The following LMBRD1 variants were observed in gnomAD, a reference collection of about 807,000 sequenced individuals.
LMBRD1 encodes the protein lysosomal cobalamin transport escort protein LMBD1.
A neutral mutation model predicts 74.8 loss-of-function variants in LMBRD1; 64 were observed. The ratio of observed to expected loss-of-function variants is 0.86; its 90% confidence interval spans 0.70 to 1.05. The LOEUF is 1.05. LMBRD1 is among the 50% of genes least tolerant of loss of function. The pLI is 0.00. For synonymous variants in LMBRD1, 204 were observed against 216.3 expected, an observed-to-expected ratio of 0.94 and a Z score of 0.50; for missense variants, 652 against 645.9, an observed-to-expected ratio of 1.01 and a Z score of -0.10.
intron 3 of LMBRD1, among the ~76,000 whole-genome samples, chr6:69,773,125 A>G (rs1765609492): frequency 6.6e-6 from 1 of 152,166 alleles, no homozygotes; most frequent in Non-Finnish European, 1.5e-5. Flanking sequence ...GTTCATGATC[A>G]CTACCCAATA....
At chr6:69,782,578 G>A (rs1187697298) in intron 2 of LMBRD1, among the ~76,000 whole-genome samples, 1 of 152,096 alleles carries the variant, frequency 6.6e-6, no homozygotes, top group Non-Finnish European at 1.5e-5. Flanking sequence ...CTTCTTGGAA[G>A]GATGAGGAAT....
rs571184918 is a variant in LMBRD1 at position 69,796,858 on chromosome 6, C to T, written c.24G>A (p.Ser8=). The part of the protein sequence containing the change: MATSGAA[S]AELVIGWCIF... The stretch of plus-strand genomic sequence containing the variant: ...TGCACCAGCCGATCACCAGCTCCGC[C>T]GAGGCCGCGCCAGAAGTCGCCATCT... Residue 8 remains serine (S), a synonymous_variant, in exon 1 of 16, where the codon TCG becomes TCA. Transcript: ENST00000649934. 4 of 1,614,122 alleles carry T rather than the reference C, an allele frequency of 2.5e-6. No homozygotes were observed. The highest frequency in any genetic ancestry group is 2.2e-5 in the East Asian group (1 of 44,870).
At chr6:69,780,380 T>C (rs888182923) in intron 3 of LMBRD1, 114 bp downstream of exon 3, 1 of 778,724 alleles carries the variant, frequency 1.3e-6, no homozygotes, top group South Asian at 1.4e-5. Context: ...TGTGTCCATG[T>C]CATTTTTTTC....
In LMBRD1 at chr6:69,675,142, G is replaced by C. The variant is rs1481790155; in HGVS notation, c.*1016C>G. 6.6e-6 allele frequency among the ~76,000 whole-genome samples: 1 copy of C among 152,066 alleles called. No individual in the cohort carries two copies. Among genetic ancestry groups the C allele is most frequent in the Non-Finnish European group, 1.5e-5 (1 of 68,012 alleles). On this transcript the variant is annotated 3_prime_UTR_variant, in exon 16 of 16. Transcript: ENST00000649934. The stretch of plus-strand genomic sequence containing the variant: ...GAAAAATGGCACAAAAATTAAGGGA[G>C]AGAATAATTAACTTAGATATAGTTG...
chr6:69,682,145 T>G (rs1765676640), intron 14 of LMBRD1, among the ~76,000 whole-genome samples: 1 of 151,562 alleles, frequency 6.6e-6, no homozygotes. Context: ...GCAGAAAAAA[T>G]GAAGATATAT....
intron 1 of LMBRD1, 116 bp from the exon 2 acceptor site, chr6:69,790,588 G>A: frequency 9.6e-7 from 1 of 1,039,162 alleles, no homozygotes; most frequent in Non-Finnish European, 1.5e-6. Context: ...TATTTTAGTT[G>A]TGTAAGGAAA....
intron 3 of LMBRD1, among the ~76,000 whole-genome samples, chr6:69,755,764 G>T (rs1330572855): frequency 1.3e-5 from 2 of 152,102 alleles, no homozygotes; most frequent in East Asian, 3.9e-4. Context: ...ACTTGAGTAG[G>T]CTGACAGCCT....
intron 9 of LMBRD1, among the ~76,000 whole-genome samples, chr6:69,704,369 A>C (rs1766202275): frequency 6.6e-6 from 1 of 152,040 alleles, no homozygotes; most frequent in African/African-American, 2.4e-5. Flanking sequence ...TGTAGGGAAG[A>C]GGTTTCCCTT....
intron 14 of LMBRD1, among the ~76,000 whole-genome samples, chr6:69,684,247 T>G (rs1190381318): frequency 6.6e-6 from 1 of 151,904 alleles, no homozygotes; most frequent in Non-Finnish European, 1.5e-5. Context: ...AAATTAAAAT[T>G]CATAATATGG....
At chr6:69,747,954 A>G (rs1765028946) in intron 5 of LMBRD1, among the ~76,000 whole-genome samples, 2 of 152,232 alleles carry the variant, frequency 1.3e-5, no homozygotes, top group Admixed American at 1.3e-4. Flanking sequence ...TACGTATGAT[A>G]ATGAGAAGAA....
intron 2 of LMBRD1, among the ~76,000 whole-genome samples, chr6:69,787,237 T>C (rs1342776403): frequency 6.6e-6 from 1 of 152,198 alleles, no homozygotes; most frequent in Non-Finnish European, 1.5e-5. Context: ...GAAAATGTTT[T>C]CAAAAATTTT....
chr6:69,685,196 C>T (rs1428250688), intron 14 of LMBRD1, among the ~76,000 whole-genome samples: 1 of 151,956 alleles, frequency 6.6e-6, no homozygotes, highest in Non-Finnish European at 1.5e-5. Flanking sequence ...TAAGAAGATC[C>T]GGATTCTGAC....
At chr6:69,734,416 A>C (rs975884443) in intron 7 of LMBRD1, among the ~76,000 whole-genome samples, 3 of 148,694 alleles carry the variant, frequency 2.0e-5, no homozygotes, top group Admixed American at 6.7e-5. Context: ...TTTTTTTGAG[A>C]CGGAGTCTTG....
At chr6:69,695,164 A>G (rs1241062879) in intron 14 of LMBRD1, among the ~76,000 whole-genome samples, 1 of 143,778 alleles carries the variant, frequency 7.0e-6, no homozygotes, top group Non-Finnish European at 1.6e-5. Flanking sequence ...ATACTGGTCT[A>G]TCATTCATCC....
intron 2 of LMBRD1, among the ~76,000 whole-genome samples, chr6:69,788,026 A>C (rs893987159): frequency 3.3e-5 from 5 of 152,190 alleles, no homozygotes; most frequent in African/African-American, 1.2e-4. Flanking sequence ...AAGAAACAAA[A>C]CAAACCTATT....
At position 69,752,272 on chromosome 6, in the gene LMBRD1, G is replaced by C; in HGVS notation, c.392C>G (p.Thr131Ser). The change falls in exon 4 of 16, where the codon ACT (threonine) becomes AGT (serine). Residue 131 changes from threonine (T) to serine (S), a missense_variant. Thr to Ser is a moderately conservative substitution (Grantham distance 58). This residue lies in a region of LMBRD1 where 598 missense variants were observed against 581.8 expected (regional missense o/e 1.03). Coordinates refer to ENST00000649934, the MANE Select transcript of LMBRD1 (RefSeq NM_018368.4). ...AAAGATACTTACAGTACATTTACTAGTATCATCATCATCCTTTTCTTCATA... is the reference window on the plus strand; with the variant it reads ...AAAGATACTTACAGTACATTTACTACTATCATCATCATCCTTTTCTTCATA... ...FYYEEKDDDD[T>S]SKCTQIKTAL... The C allele has an allele frequency of 6.2e-7, 1 of 1,609,866 alleles. No homozygotes were observed. Among genetic ancestry groups the C allele is most frequent in the African/African-American group, 1.3e-5 (1 of 74,906 alleles).
chr6:69,690,028 T>C (rs1582049228), intron 14 of LMBRD1, among the ~76,000 whole-genome samples: 1 of 151,260 alleles, frequency 6.6e-6, no homozygotes, highest in East Asian at 2.0e-4. Flanking sequence ...TAGCATACAA[T>C]GTACTGCGAG....
intron 6 of LMBRD1, among the ~76,000 whole-genome samples, chr6:69,739,280 T>C (rs762249794): frequency 4.6e-5 from 7 of 152,194 alleles, no homozygotes; most frequent in African/African-American, 9.6e-5. Flanking sequence ...CAAAATCATC[T>C]GAACCAAATA....
intron 8 of LMBRD1, among the ~76,000 whole-genome samples, chr6:69,714,070 A>G (rs1353841060): frequency 6.6e-6 from 1 of 152,068 alleles, no homozygotes; most frequent in Non-Finnish European, 1.5e-5. Context: ...ATTTGTAAAA[A>G]CATTCCACAA....
Sources: gnomAD v4.1 joint callset for allele counts (sites outside exome capture counted in the v4.1 genomes callset) on GRCh38, gnomAD v4.1.1 for gene constraint, gnomAD v4.1.1 regional missense constraint, MANE v1.5 for transcripts, NCBI Gene and HGNC (gene_info 2026-07-23, HGNC 2026-07-21) for gene names.